The following GALNTL6 variants were observed in gnomAD, a reference collection of about 807,000 sequenced individuals.
GALNTL6 encodes the protein polypeptide N-acetylgalactosaminyltransferase-like 6.
GALNTL6 carries 46 observed loss-of-function variants against 73.7 expected under a neutral mutation model. That is an observed-to-expected ratio of 0.62 (90% CI 0.49 to 0.80). GALNTL6 has a LOEUF of 0.80. Ranked by LOEUF, GALNTL6 falls within the 30% of genes least tolerant of loss-of-function variation. The pLI is 0.00. For synonymous variants in GALNTL6, 259 were observed against 263.7 expected, an observed-to-expected ratio of 0.98 and a Z score of 0.17; for missense variants, 604 against 755.0, an observed-to-expected ratio of 0.80 and a Z score of 2.34.
intron 2 of GALNTL6, among the ~76,000 whole-genome samples, chr4:172,008,500 A>G (rs977038586): frequency 6.6e-6 from 1 of 151,890 alleles, no homozygotes; most frequent in Non-Finnish European, 1.5e-5. Context: ...CCTTGCCCCA[A>G]CTCAGTACCT....
At chr4:172,401,597 A>C (rs2111324805) in intron 5 of GALNTL6, among the ~76,000 whole-genome samples, 1 of 152,226 alleles carries the variant, frequency 6.6e-6, no homozygotes, top group South Asian at 2.1e-4. Context: ...TTAAAAAATA[A>C]CTTTGAAGTC....
intron 5 of GALNTL6, among the ~76,000 whole-genome samples, chr4:172,721,159 A>G (rs1735449333): frequency 6.6e-6 from 1 of 152,234 alleles, no homozygotes; most frequent in African/African-American, 2.4e-5. Flanking sequence ...CTAAAATGTT[A>G]TGGCATAAAT....
At chr4:172,881,677 T>G (rs1745458288) in intron 7 of GALNTL6, among the ~76,000 whole-genome samples, 1 of 152,256 alleles carries the variant, frequency 6.6e-6, no homozygotes, top group African/African-American at 2.4e-5. Context: ...AATGTTGTAC[T>G]GTTATTTATA....
intron 7 of GALNTL6, among the ~76,000 whole-genome samples, chr4:172,876,320 T>G (rs1337149651): frequency 6.6e-6 from 1 of 152,226 alleles, no homozygotes; most frequent in East Asian, 1.9e-4. Flanking sequence ...CTTCCTCATC[T>G]TATCCAAAAA....
rs1392939159 is a variant in GALNTL6, at chr4:172,434,158, G to A, written c.553+85469G>A. ...ATTCTTCCATATTATTTATCATTTT[G>A]TGACGAAAATATAATAATCTATCGA... is the stretch of plus-strand genomic sequence containing the variant. On this transcript the variant is annotated intron_variant, in intron 5 of 12. Coordinates refer to ENST00000506823, the MANE Select transcript of GALNTL6 (RefSeq NM_001034845.3). Among the ~76,000 whole-genome samples the A allele has an allele frequency of 2.6e-5, 4 of 151,804 alleles. No individual in the cohort carries two copies. The South Asian group carries it at 6.2e-4, about 24-fold the overall frequency.
At chr4:172,543,931 T>G (rs556611917) in intron 5 of GALNTL6, among the ~76,000 whole-genome samples, 1 of 152,300 alleles carries the variant, frequency 6.6e-6, no homozygotes, top group East Asian at 1.9e-4. Flanking sequence ...ATTTATTGGC[T>G]CCTCACAACA....
At chr4:172,316,772 A>G (rs1740574632) in intron 4 of GALNTL6, among the ~76,000 whole-genome samples, 2 of 152,224 alleles carry the variant, frequency 1.3e-5, no homozygotes, top group South Asian at 2.1e-4. Context: ...GATGCAGGCC[A>G]AGTATTATAC....
chr4:172,593,820 C>G (rs1342707543), intron 5 of GALNTL6, among the ~76,000 whole-genome samples: 1 of 152,002 alleles, frequency 6.6e-6, no homozygotes, highest in Non-Finnish European at 1.5e-5. Flanking sequence ...ACCTCCGCCT[C>G]CCAGGTTCCA....
At chr4:172,969,093 A>G (rs1454382658) in intron 10 of GALNTL6, among the ~76,000 whole-genome samples, 7 of 152,208 alleles carry the variant, frequency 4.6e-5, no homozygotes, top group Non-Finnish European at 1.0e-4. Flanking sequence ...TCAGAATTAG[A>G]ACTGCTCAGA....
At chr4:172,190,594 G>T (rs1560961521) in intron 2 of GALNTL6, among the ~76,000 whole-genome samples, 1 of 152,082 alleles carries the variant, frequency 6.6e-6, no homozygotes. Flanking sequence ...GAGTACACAG[G>T]AAAAAATGGG....
chr4:172,269,862 C>G (rs1738580273), intron 3 of GALNTL6, among the ~76,000 whole-genome samples: 1 of 152,024 alleles, frequency 6.6e-6, no homozygotes, highest in African/African-American at 2.4e-5. Flanking sequence ...AGAGATTCTC[C>G]TGCCTCAGCC....
intron 5 of GALNTL6, among the ~76,000 whole-genome samples, chr4:172,459,448 T>G (rs545865016): frequency 1.3e-5 from 2 of 152,232 alleles, no homozygotes; most frequent in Non-Finnish European, 2.9e-5. Context: ...ATGACATGAT[T>G]GTATATTTAG....
rs529364756 is a variant in GALNTL6 at position 172,692,234 on chromosome 4, A to T, written c.554-117127A>T. 7.9e-5 allele frequency among the ~76,000 whole-genome samples: 12 copies of T among 152,236 alleles called. No homozygotes were observed. The South Asian group carries it at 2.5e-3, about 32-fold the overall frequency. On this transcript the variant is annotated intron_variant, in intron 5 of 12. Transcript: ENST00000506823. ...TGATACTCTGCATTTTCACTTTCTAATATCAAGTATTTCACAATTGTGTGA... is the reference window on the plus strand; with the variant it reads ...TGATACTCTGCATTTTCACTTTCTATTATCAAGTATTTCACAATTGTGTGA...
At chr4:171,819,499 G>A (rs948285384) in intron 2 of GALNTL6, among the ~76,000 whole-genome samples, 2 of 152,154 alleles carry the variant, frequency 1.3e-5, no homozygotes, top group African/African-American at 4.8e-5. Flanking sequence ...CCTGCAAAAG[G>A]AGCCAAATCA....
At chr4:171,920,053 T>C (rs1737739704) in intron 2 of GALNTL6, among the ~76,000 whole-genome samples, 1 of 152,118 alleles carries the variant, frequency 6.6e-6, no homozygotes, top group South Asian at 2.1e-4. Context: ...GTGGCACATA[T>C]ACGCCATGGA....
intron 10 of GALNTL6, among the ~76,000 whole-genome samples, chr4:172,966,529 G>C (rs1454560138): frequency 6.6e-6 from 1 of 152,056 alleles, no homozygotes; most frequent in Admixed American, 6.5e-5. Flanking sequence ...CAAGTAGCTG[G>C]GATTACAGGC....
intron 2 of GALNTL6, among the ~76,000 whole-genome samples, chr4:171,987,060 G>C (rs1042848822): frequency 1.1e-4 from 16 of 152,048 alleles, no homozygotes; most frequent in East Asian, 3.9e-4. Context: ...AGTCTAAGTT[G>C]TTCTGGTGTC....
intron 7 of GALNTL6, among the ~76,000 whole-genome samples, chr4:172,832,145 T>G (rs1022597439): frequency 5.3e-5 from 8 of 152,166 alleles, no homozygotes; most frequent in African/African-American, 1.9e-4. Context: ...CTGTGGACCT[T>G]GGGCTTCTCG....
intron 2 of GALNTL6, among the ~76,000 whole-genome samples, chr4:172,209,821 T>C (rs1736267335): frequency 6.6e-6 from 1 of 152,118 alleles, no homozygotes; most frequent in Non-Finnish European, 1.5e-5. Flanking sequence ...AATAGATTTC[T>C]ATTTCCCAGC....
Sources: allele counts gnomAD v4.1 joint callset (sites outside exome capture counted in the v4.1 genomes callset), GRCh38; gene constraint gnomAD v4.1.1; transcripts MANE v1.5; gene names NCBI Gene and HGNC (gene_info 2026-07-23, HGNC 2026-07-21).